Variants in IQGAP2 observed in about 807,000 individuals in gnomAD.
IQGAP2 encodes ras GTPase-activating-like protein IQGAP2.
In IQGAP2, 173 loss-of-function variants were observed where a neutral mutation model predicts 201.3. The observed-to-expected ratio is 0.86, with a 90% CI of 0.76 to 0.98. The LOEUF (loss-of-function observed/expected upper bound fraction) is 0.98. IQGAP2 is among the 50% of genes least tolerant of loss of function. The pLI, the probability that IQGAP2 is intolerant of heterozygous loss-of-function variation, is 0.00. For synonymous variants in IQGAP2, 675 were observed against 673.9 expected, an observed-to-expected ratio of 1.00 and a Z score of -0.03; for missense variants, 1,687 against 1,864.8, an observed-to-expected ratio of 0.90 and a Z score of 1.76.
intron 1 of IQGAP2, among the ~76,000 whole-genome samples, chr5:76,442,991 G>T (rs927542443): frequency 7.9e-5 from 12 of 151,936 alleles, no homozygotes; most frequent in African/African-American, 2.2e-4. Flanking sequence ...TGTCTCAAAA[G>T]ATAAGAATAA....
intron 1 of IQGAP2, among the ~76,000 whole-genome samples, chr5:76,437,549 C>T (rs1051168920): frequency 3.3e-5 from 5 of 152,086 alleles, no homozygotes; most frequent in South Asian, 2.1e-4. Flanking sequence ...CCCACAGGCC[C>T]CACCGTGTGT....
intron 12 of IQGAP2, among the ~76,000 whole-genome samples, chr5:76,610,259 A>G (rs1748264890): frequency 6.8e-6 from 1 of 147,670 alleles, no homozygotes; most frequent in African/African-American, 2.5e-5. Flanking sequence ...CAGCCTCCCA[A>G]GTAGCTGGGA....
At chr5:76,566,365 A>G (rs1339873215) in intron 3 of IQGAP2, among the ~76,000 whole-genome samples, 1 of 152,198 alleles carries the variant, frequency 6.6e-6, no homozygotes, top group East Asian at 1.9e-4. Flanking sequence ...ACCTGTGTGC[A>G]GTCAAGGGTG....
At chr5:76,486,772 A>AGTTTT (rs757249865) in intron 2 of IQGAP2, among the ~76,000 whole-genome samples, 69 of 152,176 alleles carry the variant, frequency 4.5e-4, no homozygotes, top group Non-Finnish European at 5.9e-4. Flanking sequence ...ACTTCTTCAG[A>AGTTTT]GTTTTGTTTT....
intron 13 of IQGAP2, among the ~76,000 whole-genome samples, chr5:76,613,338 A>G (rs1748576606): frequency 1.3e-5 from 2 of 152,224 alleles, no homozygotes; most frequent in African/African-American, 4.8e-5. Flanking sequence ...ATTGGAAGAC[A>G]AAGTTATTTG....
chr5:76,599,105 A>G (rs1414380796), intron 10 of IQGAP2, among the ~76,000 whole-genome samples: 2 of 152,080 alleles, frequency 1.3e-5, no homozygotes, highest in Non-Finnish European at 2.9e-5. Flanking sequence ...GTATTGGCTG[A>G]GTGTGGTAGT....
Position 76,677,451 on chromosome 5 carries a change from C to A in IQGAP2, c.3660+101C>A. On this transcript the variant is annotated intron_variant, in intron 28 of 35. Transcript: ENST00000274364. Reference sequence around the variant, plus strand: ...CTACAGGACTTATTGTACACATGTGCTAATACTCATATTCTTAACCCTAAA... The same window carrying A: ...CTACAGGACTTATTGTACACATGTGATAATACTCATATTCTTAACCCTAAA... The A allele has an allele frequency of 3.9e-6, 4 of 1,014,944 alleles. No homozygotes were observed. Among genetic ancestry groups the A allele is most frequent in the Non-Finnish European group, 5.7e-6 (4 of 705,844 alleles). 62.9% of individuals were successfully genotyped at this position (1,014,944 alleles called of 1,614,324 possible).
At chr5:76,687,669 C>G (rs1003516864) in intron 30 of IQGAP2, among the ~76,000 whole-genome samples, 1 of 152,150 alleles carries the variant, frequency 6.6e-6, no homozygotes, top group Admixed American at 6.5e-5. Flanking sequence ...GCAGTAGATT[C>G]TCATAGGAGT....
chr5:76,472,046 C>T (rs1355851894), intron 2 of IQGAP2, among the ~76,000 whole-genome samples: 2 of 152,246 alleles, frequency 1.3e-5, no homozygotes, highest in African/African-American at 4.8e-5. Flanking sequence ...CTTGGTTGTT[C>T]CATGCGGCAG....
chr5:76,459,647 C>CT (rs201856586), intron 1 of IQGAP2, among the ~76,000 whole-genome samples: 294 of 151,442 alleles, frequency 1.9e-3, no homozygotes, highest in African/African-American at 6.8e-3. Flanking sequence ...AGAAATATAA[C>CT]TTTTTTTTTG....
intron 22 of IQGAP2, among the ~76,000 whole-genome samples, chr5:76,667,634 G>A (rs1387164069): frequency 1.3e-5 from 2 of 152,074 alleles, no homozygotes; most frequent in Non-Finnish European, 2.9e-5. Flanking sequence ...GTTCTTTGTT[G>A]TTTTTTGCTC....
At chr5:76,700,073 G>A (rs186203311) in intron 33 of IQGAP2, among the ~76,000 whole-genome samples, 35 of 152,018 alleles carry the variant, frequency 2.3e-4, no homozygotes, top group African/African-American at 8.0e-4. Flanking sequence ...ACTAAATATA[G>A]GAAGGAAGGA....
At chr5:76,536,761 CAA>C (rs752757446) in intron 2 of IQGAP2, among the ~76,000 whole-genome samples, 41 of 114,918 alleles carry the variant, frequency 3.6e-4, no homozygotes, top group Non-Finnish European at 3.0e-4. Flanking sequence ...ACTCCGTCTC[CAA>C]AAAAAAAAAA....
chr5:76,685,760 G>A (rs1239181986), intron 30 of IQGAP2, among the ~76,000 whole-genome samples: 1 of 152,154 alleles, frequency 6.6e-6, no homozygotes, highest in Non-Finnish European at 1.5e-5. Flanking sequence ...TGTAGAGCCA[G>A]CAGTGGGTTT....
intron 2 of IQGAP2, among the ~76,000 whole-genome samples, chr5:76,483,256 G>T (rs574873900): frequency 2.6e-5 from 4 of 152,292 alleles, no homozygotes; most frequent in African/African-American, 9.6e-5. Context: ...CCTAGAAGTG[G>T]AATCTTCCTT....
At position 76,618,037 on chromosome 5, in the gene IQGAP2, A is replaced by G. The variant is rs1749171443; in HGVS notation, c.1521+6854A>G. 3 of 1,614,192 alleles carry G rather than the reference A, an allele frequency of 1.9e-6. No homozygotes were observed. The highest frequency in any genetic ancestry group is 2.5e-6 in the Non-Finnish European group (3 of 1,180,038). On this transcript the variant is annotated intron_variant, in intron 13 of 35. Transcript: ENST00000274364. ...TTCAGTATGAAAAATGGCAGCATAT[A>G]TAAGAAAACTGTTGCCCACACCAGT...
intron 2 of IQGAP2, among the ~76,000 whole-genome samples, chr5:76,481,414 G>A (rs375007811): frequency 2.7e-5 from 4 of 149,796 alleles, no homozygotes; most frequent in Non-Finnish European, 5.9e-5. Flanking sequence ...ATGGAGTCTC[G>A]CTCTGTTGCT....
chr5:76,436,949 A>G (rs1452261667), intron 1 of IQGAP2, among the ~76,000 whole-genome samples: 1 of 151,996 alleles, frequency 6.6e-6, no homozygotes, highest in Non-Finnish European at 1.5e-5. Flanking sequence ...ATTTATATGT[A>G]TATGTTAAAC....
At chr5:76,664,234 AC>A (rs1743524211) in intron 21 of IQGAP2, among the ~76,000 whole-genome samples, 1 of 152,170 alleles carries the variant, frequency 6.6e-6, no homozygotes, top group African/African-American at 2.4e-5. Context: ...TTATTAATTA[AC>A]CTAATTTCAA....
Sources: gnomAD v4.1 joint callset for allele counts (sites outside exome capture counted in the v4.1 genomes callset) on GRCh38, gnomAD v4.1.1 for gene constraint, MANE v1.5 for transcripts, NCBI Gene and HGNC (gene_info 2026-07-23, HGNC 2026-07-21) for gene names.